PAX3: variants seen among roughly 807,000 people sequenced by gnomAD.
PAX3 encodes paired box 3.
PAX3 carries 14 observed loss-of-function variants against 51.6 expected under a neutral mutation model. The ratio of observed to expected loss-of-function variants is 0.27; its 90% CI spans 0.18 to 0.42. PAX3 has a LOEUF of 0.42. Ranked by LOEUF, PAX3 falls within the 10% of genes least tolerant of loss-of-function variation. The pLI is 1.00. For synonymous variants in PAX3, 280 were observed against 253.4 expected (o/e 1.11, Z -1.00); for missense variants, 540 against 642.8 (o/e 0.84, Z 1.73).
Position 222,201,099 on chromosome 2 carries a change from A to T in PAX3, c.*309T>A. On this transcript the variant is annotated 3_prime_UTR_variant, in exon 9 of 9. Coordinates refer to ENST00000392070, the MANE Select transcript of PAX3 (RefSeq NM_181458.4). Reference sequence around the variant, plus strand: ...AATGGAATGTTCTAGCTCCTCGATGATCAGCACTAAAGAATTGGGATGTTT... The same window carrying T: ...AATGGAATGTTCTAGCTCCTCGATGTTCAGCACTAAAGAATTGGGATGTTT... 10 of 1,487,170 alleles carry T rather than the reference A, an allele frequency of 6.7e-6. No homozygotes were observed. Among genetic ancestry groups the T allele is most frequent in the Non-Finnish European group, 9.4e-6 (10 of 1,068,518 alleles). 92.1% of individuals were successfully genotyped at this position (1,487,170 alleles called of 1,614,324 possible). A position where few individuals can be genotyped will look rare whatever the true frequency, so the allele number is the denominator to read the frequency against.
Position 222,200,561 on chromosome 2 carries a change from T to C in PAX3, c.*847A>G, listed in dbSNP as rs1302117639. ...GGGCATTGCCAAAGCATCCATGAGGTACACAGTATTGCACACTGATAAGCA... is the reference window on the plus strand; with the variant it reads ...GGGCATTGCCAAAGCATCCATGAGGCACACAGTATTGCACACTGATAAGCA... On this transcript the variant is annotated 3_prime_UTR_variant, in exon 9 of 9. Transcript: ENST00000392070. 1 of 233,322 alleles carries C rather than the reference T, an allele frequency of 4.3e-6. No individual in the cohort carries two copies. The highest frequency in any genetic ancestry group is 5.4e-5 in the Admixed American group (1 of 18,394). The allele number at this position is 233,322 out of a possible 1,614,324, so 14.5% of individuals were successfully genotyped here. A position where few individuals can be genotyped will look rare whatever the true frequency, so the allele number is the denominator to read the frequency against.
chr2:222,221,836 G>C (rs1348654245), intron 5 of PAX3: 1 of 185,416 alleles, frequency 5.4e-6, no homozygotes, highest in Non-Finnish European at 1.2e-5. Context: ...GTCTGTCTCT[G>C]TATTTCTGTG....
intron 4 of PAX3, among the ~76,000 whole-genome samples, chr2:222,267,990 C>G (rs1038241570): frequency 1.3e-5 from 2 of 152,126 alleles, no homozygotes; most frequent in African/African-American, 4.8e-5. Context: ...CAATAATGGA[C>G]TTTTTACAAA....
chr2:222,218,826 T>C (rs1426210918), intron 7 of PAX3, among the ~76,000 whole-genome samples: 1 of 152,218 alleles, frequency 6.6e-6, no homozygotes, highest in Non-Finnish European at 1.5e-5. Context: ...TATCCCAGGA[T>C]GTGCTATAGG....
chr2:222,298,541 G>T lies in PAX3; in HGVS notation c.75C>A (p.Phe25Leu). The T allele has an allele frequency of 6.2e-7, 1 of 1,604,232 alleles. No homozygotes were observed. Among genetic ancestry groups the T allele is most frequent in the Non-Finnish European group, 8.5e-7 (1 of 1,175,902 alleles). ...GAGGCCCTCCCTTACCTTCCAGCGG[G>T]AACCCGCTACGCGGGTAGTTCTGCC... ...GPGQNYPRSG[F>L]PLEVSTPLGQ... The change falls in exon 1 of 9, where the codon TTC (phenylalanine) becomes TTA (leucine). Residue 25 changes from phenylalanine to leucine, a missense_variant. Coordinates refer to ENST00000392070, the MANE Select transcript of PAX3 (RefSeq NM_181458.4).
rs1692620061 is a variant in PAX3 at position 222,232,117 on chromosome 2, T to C, written c.753A>G (p.Glu251=). 1.2e-6 allele frequency: 2 copies of C among 1,614,054 alleles called. No homozygotes were observed. The highest frequency in any genetic ancestry group is 4.5e-5 in the East Asian group (2 of 44,880). ...CGGTGAGCTTCGCCCTCTGGGCCAG[T>C]TCCTCCCTAGTATAAATGTCAGGGT... The part of the protein sequence containing the change: ...THYPDIYTRE[E]LAQRAKLTEA... Residue 251 remains glutamate, a synonymous_variant, in exon 5 of 9, where the codon GAA becomes GAG. Coordinates refer to ENST00000392070, the MANE Select transcript of PAX3 (RefSeq NM_181458.4).
Position 222,298,640 on chromosome 2 carries a change from T to C in PAX3, c.-25A>G. On this transcript the variant is annotated 5_prime_UTR_variant, in exon 1 of 9. Transcript: ENST00000392070. ...TCCTGGGGGCAGCTTCGCTCGGAAATTATATCCAGGTGAAGGCGAAACGGA... is the reference window on the plus strand; with the variant it reads ...TCCTGGGGGCAGCTTCGCTCGGAAACTATATCCAGGTGAAGGCGAAACGGA... The C allele has an allele frequency of 1.3e-6, 2 of 1,588,440 alleles. No homozygotes were observed. Among genetic ancestry groups the C allele is most frequent in the South Asian group, 2.3e-5 (2 of 87,678 alleles).
intron 4 of PAX3, among the ~76,000 whole-genome samples, chr2:222,240,800 T>C (rs1039896177): frequency 2.6e-5 from 4 of 152,210 alleles, no homozygotes; most frequent in African/African-American, 9.7e-5. Context: ...GAATTCCTTT[T>C]ACAACACGAA....
At chr2:222,220,442 T>A in intron 6 of PAX3, 88 bp from the exon 7 acceptor site, 1 of 1,208,622 alleles carries the variant, frequency 8.3e-7, no homozygotes, top group African/African-American at 1.5e-5. Flanking sequence ...CACCAGGCCA[T>A]CAGGAGCATC....
intron 3 of PAX3, among the ~76,000 whole-genome samples, chr2:222,294,837 G>T (rs1364961981): frequency 3.0e-5 from 4 of 133,210 alleles, no homozygotes; most frequent in East Asian, 2.3e-4. Flanking sequence ...GGCTATAAAG[G>T]GTTTAAATTT....
chr2:222,231,646 T>G (rs1443975460), intron 5 of PAX3, among the ~76,000 whole-genome samples: 2 of 152,210 alleles, frequency 1.3e-5, no homozygotes, highest in East Asian at 3.8e-4. Flanking sequence ...GGGTAGTTAC[T>G]TATATAGTCC....
At chr2:222,288,435 T>TA (rs1229514579) in intron 4 of PAX3, among the ~76,000 whole-genome samples, 2 of 152,248 alleles carry the variant, frequency 1.3e-5, no homozygotes, top group African/African-American at 4.8e-5. Flanking sequence ...GAGAGTCATC[T>TA]AACCATCTAT....
intron 7 of PAX3, among the ~76,000 whole-genome samples, chr2:222,207,590 A>G (rs1364125450): frequency 6.6e-6 from 1 of 152,206 alleles, no homozygotes; most frequent in African/African-American, 2.4e-5. Context: ...CCATGTTTTC[A>G]TTGTAAAGAG....
intron 2 of PAX3, 149 bp from the exon 3 acceptor site, chr2:222,295,806 G>A: frequency 1.1e-6 from 1 of 898,866 alleles, no homozygotes; most frequent in East Asian, 2.5e-5. Flanking sequence ...AACTCTCTGA[G>A]GCACTTTAGA....
intron 5 of PAX3, among the ~76,000 whole-genome samples, chr2:222,225,112 A>C (rs1044191466): frequency 2.0e-5 from 3 of 152,230 alleles, no homozygotes; most frequent in African/African-American, 7.2e-5. Context: ...CAAATTTGTC[A>C]GTAACCTACT....
intron 4 of PAX3, among the ~76,000 whole-genome samples, chr2:222,277,932 CA>C (rs745911501): frequency 0.043 from 3,888 of 90,560 alleles, 156 homozygotes; most frequent in African/African-American, 0.16. Context: ...GACTCCATCT[CA>C]AAAAAAAAAA....
intron 4 of PAX3, among the ~76,000 whole-genome samples, chr2:222,288,574 C>T (rs1694916490): frequency 6.6e-6 from 1 of 152,146 alleles, no homozygotes; most frequent in Admixed American, 6.5e-5. Flanking sequence ...ATAATTCCAG[C>T]TTGGAAGACA....
chr2:222,270,493 A>G (rs1207151423), intron 4 of PAX3, among the ~76,000 whole-genome samples: 4 of 152,214 alleles, frequency 2.6e-5, no homozygotes, highest in Non-Finnish European at 4.4e-5. Flanking sequence ...TAAAAGAAAG[A>G]GAAAAAGAGA....
chr2:222,201,294 C>G lies in PAX3; in HGVS notation c.*114G>C. The G allele has an allele frequency of 6.3e-7, 1 of 1,593,344 alleles. No homozygotes were observed. The highest frequency in any genetic ancestry group is 2.4e-5 in the East Asian group (1 of 41,908). ...CCTTTGTCTCCTATTGGGACCACTGCCCCACCCCCCCCAACAAAAGGGTAA... is the reference window on the plus strand; with the variant it reads ...CCTTTGTCTCCTATTGGGACCACTGGCCCACCCCCCCCAACAAAAGGGTAA... On this transcript the variant is annotated 3_prime_UTR_variant, in exon 9 of 9. Coordinates refer to ENST00000392070, the MANE Select transcript of PAX3 (RefSeq NM_181458.4).
Sources: gnomAD v4.1 joint callset for allele counts (sites outside exome capture counted in the v4.1 genomes callset) on GRCh38, gnomAD v4.1.1 for gene constraint, MANE v1.5 for transcripts, NCBI Gene and HGNC (gene_info 2026-07-23, HGNC 2026-07-21) for gene names.